Variants in STRN3 observed in about 807,000 individuals in gnomAD.
STRN3 encodes striatin-3.
A neutral mutation model predicts 95.6 loss-of-function variants in STRN3; 29 were observed. That is an observed-to-expected ratio of 0.30 (90% CI 0.23 to 0.41). STRN3 has a LOEUF of 0.41. STRN3 is among the 10% of genes least tolerant of loss of function. STRN3 has a pLI of 1.00. For missense variants in STRN3, 890 were observed against 972.1 expected, an observed-to-expected ratio of 0.92 and a Z score of 1.12; for synonymous variants, 331 against 357.6, an observed-to-expected ratio of 0.93 and a Z score of 0.84.
chr14:30,982,379 C>T (rs922815332), intron 1 of STRN3, among the ~76,000 whole-genome samples: 3 of 152,192 alleles, frequency 2.0e-5, no homozygotes. Flanking sequence ...GCAATCTCAG[C>T]TTACTGCAAC....
At chr14:30,910,563 A>G (rs1343034777) in intron 13 of STRN3, among the ~76,000 whole-genome samples, 1 of 151,896 alleles carries the variant, frequency 6.6e-6, no homozygotes, top group Non-Finnish European at 1.5e-5. Context: ...AAGTCAAAGG[A>G]GGTTTCCTTT....
intron 8 of STRN3, among the ~76,000 whole-genome samples, chr14:30,922,827 C>T (rs1896918320): frequency 6.8e-6 from 1 of 147,890 alleles, no homozygotes; most frequent in African/African-American, 2.5e-5. Context: ...ACTTCAGCTG[C>T]AAAGTGACTC....
In STRN3 at chr14:30,911,819, G is replaced by T; in HGVS notation, c.1556C>A (p.Ala519Asp). 1 of 1,606,072 alleles carries T rather than the reference G, an allele frequency of 6.2e-7. No homozygotes were observed. The highest frequency in any genetic ancestry group is 2.2e-5 in the East Asian group (1 of 44,724). ...LQKTVPAKKS[A>D]SLDVEPIYTF... ...GTAGATAGGCTCTACATCTAAAGAGGCACTCCTAAAAGAGGGGGAAAAAGG... is the reference window on the plus strand; with the variant it reads ...GTAGATAGGCTCTACATCTAAAGAGTCACTCCTAAAAGAGGGGGAAAAAGG... The change falls in exon 12 of 18, where the codon GCC (alanine) becomes GAC (aspartate). Residue 519 changes from alanine to aspartate, a missense_variant. Physicochemically the swap from Ala to Asp is moderately radical, Grantham distance 126. This residue lies in a region of STRN3 where 357 missense variants were observed against 422.8 expected (regional missense o/e 0.84). Transcript: ENST00000357479.
chr14:30,952,916 G>C (rs1226548070), intron 3 of STRN3, among the ~76,000 whole-genome samples: 5 of 152,060 alleles, frequency 3.3e-5, no homozygotes, highest in Admixed American at 3.3e-4. Flanking sequence ...ACAACTGGTA[G>C]TACTTTAGTG....
intron 1 of STRN3, among the ~76,000 whole-genome samples, chr14:30,971,584 TA>T (rs1880829667): frequency 6.6e-6 from 1 of 152,198 alleles, no homozygotes; most frequent in Non-Finnish European, 1.5e-5. Context: ...GAAAATAGGA[TA>T]GCCTTAGACA....
At position 30,950,950 on chromosome 14, in the gene STRN3, A is replaced by G; in HGVS notation, c.461-6T>C. ...CTCTGTGTCTTTGGTTTCTTCTAAA[A>G]ATTAAGAAAAAAAAAGTTTTACATA... On this transcript the variant is annotated splice_polypyrimidine_tract_variant and splice_region_variant and intron_variant, in intron 3 of 17. Transcript: ENST00000357479. 6.2e-7 allele frequency: 1 copy of G among 1,606,808 alleles called. No homozygotes were observed. The highest frequency in any genetic ancestry group is 8.5e-7 in the Non-Finnish European group (1 of 1,178,308).
At chr14:30,910,512 T>C (rs953968456) in intron 13 of STRN3, among the ~76,000 whole-genome samples, 4 of 152,098 alleles carry the variant, frequency 2.6e-5, no homozygotes, top group African/African-American at 9.7e-5. Context: ...CAGGTACAGG[T>C]AGGTGTTTCT....
rs150013843 is a variant in STRN3, at chr14:30,941,175, T to C, written c.717-4551A>G. Among the ~76,000 whole-genome samples the C allele has an allele frequency of 5.7e-4, 87 of 152,322 alleles. 1 individual carries two copies. The East Asian group carries it at 7.9e-3, about 14-fold the overall frequency. ...CTGAGCTGTGAGAAATAAATTTCTA[T>C]TGTTTATAAGCTACTCAGTCTACGG... On this transcript the variant is annotated intron_variant, in intron 5 of 17. Transcript: ENST00000357479.
At chr14:30,944,353 T>C (rs1428592432) in intron 5 of STRN3, among the ~76,000 whole-genome samples, 2 of 151,934 alleles carry the variant, frequency 1.3e-5, no homozygotes, top group African/African-American at 4.8e-5. Context: ...ATAAGGGCTC[T>C]ATCTGATGTC....
intron 1 of STRN3, among the ~76,000 whole-genome samples, chr14:31,024,253 G>A (rs376153503): frequency 1.1e-4 from 17 of 152,218 alleles, no homozygotes; most frequent in African/African-American, 3.6e-4. Context: ...ACCATAGCAG[G>A]GACTGGTGAA....
At chr14:30,951,806 C>A (rs1003381253) in intron 3 of STRN3, among the ~76,000 whole-genome samples, 1 of 151,890 alleles carries the variant, frequency 6.6e-6, no homozygotes, top group Non-Finnish European at 1.5e-5. Context: ...ACAAAGTGTA[C>A]ACATTAAAAA....
intron 1 of STRN3, among the ~76,000 whole-genome samples, chr14:30,977,141 G>C (rs890326455): frequency 1.3e-5 from 2 of 152,104 alleles, no homozygotes; most frequent in Non-Finnish European, 2.9e-5. Context: ...CAGGAGAGTC[G>C]CTTGAACCCA....
chr14:30,907,050 G>A lies in STRN3; in HGVS notation c.1721-6C>T. 6.3e-7 allele frequency: 1 copy of A among 1,590,382 alleles called. No individual in the cohort carries two copies. ...GCCAGCTAGAACATTTGGCTCTGGG[G>A]AAAAAACAAACAAACAAAAAATTAG... On this transcript the variant is annotated splice_polypyrimidine_tract_variant and splice_region_variant and intron_variant, in intron 13 of 17. Transcript: ENST00000357479.
rs1036923688 is a variant in STRN3 at position 31,026,133 on chromosome 14, G to C, written c.53C>G (p.Pro18Arg). The C allele has an allele frequency of 2.0e-6, 3 of 1,498,056 alleles. No homozygotes were observed. Among genetic ancestry groups the C allele is most frequent in the Non-Finnish European group, 2.7e-6 (3 of 1,129,704 alleles). 92.8% of individuals were successfully genotyped at this position (1,498,056 alleles called of 1,614,324 possible). A position where few individuals can be genotyped will look rare whatever the true frequency, so the allele number is the denominator to read the frequency against. ...GGGGPGMAAP[P>R]RQQQGPGGNL... ...CCCCCCAGGTCCCTGCTGCTGCCGG[G>C]GAGGGGCCGCCATCCCCGGGCCGCC... The change falls in exon 1 of 18, where the codon CCC becomes CGC. Residue 18 changes from proline (P) to arginine (R), a missense_variant. Pro to Arg is a moderately radical substitution (Grantham distance 103). This residue lies in a region of STRN3 where 526 missense variants were observed against 526.3 expected (regional missense o/e 1.00). Coordinates refer to ENST00000357479, the MANE Select transcript of STRN3 (RefSeq NM_001083893.2).
intron 1 of STRN3, among the ~76,000 whole-genome samples, chr14:30,959,383 T>C (rs1002861133): frequency 9.2e-5 from 14 of 151,924 alleles, no homozygotes; most frequent in African/African-American, 3.4e-4. Context: ...TAACCAAAAA[T>C]ACATGGAAGA....
intron 1 of STRN3, among the ~76,000 whole-genome samples, chr14:30,997,441 G>A (rs963199194): frequency 7.9e-5 from 12 of 152,116 alleles, no homozygotes; most frequent in Admixed American, 5.9e-4. Context: ...CACACAACTA[G>A]GAACCAACTC....
At chr14:30,993,512 T>G (rs561376418) in intron 1 of STRN3, among the ~76,000 whole-genome samples, 1 of 152,110 alleles carries the variant, frequency 6.6e-6, no homozygotes, top group Non-Finnish European at 1.5e-5. Context: ...AGAAATGGAG[T>G]GAATCTTTGA....
At chr14:30,965,765 T>C (rs57706775) in intron 1 of STRN3, among the ~76,000 whole-genome samples, 21,683 of 58,038 alleles carry the variant, frequency 0.37, 1,930 homozygotes, top group South Asian at 0.56. Flanking sequence ...TGAAACTCCA[T>C]CTCAAAAAAA....
chr14:30,972,000 T>TA (rs1043071247), intron 1 of STRN3, among the ~76,000 whole-genome samples: 3 of 151,996 alleles, frequency 2.0e-5, no homozygotes, highest in African/African-American at 4.8e-5. Flanking sequence ...CAAGACATGT[T>TA]AAAAAAAAGT....
Sources: allele counts gnomAD v4.1 joint callset (sites outside exome capture counted in the v4.1 genomes callset), GRCh38; gene constraint gnomAD v4.1.1; regional missense constraint gnomAD v4.1.1; transcripts MANE v1.5; gene names NCBI Gene and HGNC (gene_info 2026-07-23, HGNC 2026-07-21).